CDH18: variants seen among roughly 807,000 people sequenced by gnomAD.
CDH18 encodes the protein cadherin 18, also known as cadherin-18.
A neutral mutation model predicts 67.9 loss-of-function variants in CDH18; 31 were observed. That is an observed-to-expected ratio of 0.46 (90% confidence interval 0.34 to 0.62). The LOEUF (loss-of-function observed/expected upper bound fraction) is 0.62, where lower values mean the gene tolerates loss of function less well. Ranked by LOEUF, CDH18 falls within the 20% of genes least tolerant of loss-of-function variation. The pLI is 0.01. For missense variants in CDH18, 890 were observed against 975.5 expected, an observed-to-expected ratio of 0.91 and a Z score of 1.17; for synonymous variants, 362 against 347.2, an observed-to-expected ratio of 1.04 and a Z score of -0.48.
chr5:20,040,498 A>G (rs1740325541), intron 2 of CDH18, among the ~76,000 whole-genome samples: 1 of 152,148 alleles, frequency 6.6e-6, no homozygotes, highest in Non-Finnish European at 1.5e-5. Flanking sequence ...GTTTTGAAAT[A>G]TGTCATGAAG....
At position 20,499,951 on chromosome 5, in the gene CDH18, T is replaced by C. The variant is rs563403004; in HGVS notation, c.-580+75511A>G. Among the ~76,000 whole-genome samples, 3 of 152,232 alleles carry C rather than the reference T, an allele frequency of 2.0e-5. No homozygotes were observed. In the East Asian group the frequency reaches 5.8e-4, roughly 29 times the overall value. The stretch of plus-strand genomic sequence containing the variant: ...TGTTTCCCCTCACCTTCACCAAAAG[T>C]TATCTTGTAAATTTTTTCAGCTATG... On this transcript the variant is annotated intron_variant, in intron 1 of 14. Coordinates refer to the CDH18 transcript ENST00000507958.
intron 3 of CDH18, among the ~76,000 whole-genome samples, chr5:19,804,762 A>C (rs761800854): frequency 9.2e-5 from 14 of 152,164 alleles, no homozygotes; most frequent in Non-Finnish European, 1.9e-4. Context: ...AAACAGTTGA[A>C]GAAGATACAT....
chr5:20,371,183 A>AG (rs1315311048), intron 1 of CDH18, among the ~76,000 whole-genome samples: 1 of 151,562 alleles, frequency 6.6e-6, no homozygotes, highest in Admixed American at 6.6e-5. Context: ...TGGTATAGGG[A>AG]GGGGGAGGGT....
intron 3 of CDH18, among the ~76,000 whole-genome samples, chr5:19,790,411 T>C (rs188564857): frequency 3.3e-4 from 50 of 152,308 alleles, no homozygotes; most frequent in African/African-American, 1.2e-3. Flanking sequence ...TTGCTGTCTA[T>C]ACAGTGGCAT....
intron 1 of CDH18, among the ~76,000 whole-genome samples, chr5:20,323,685 C>T (rs1258497463): frequency 6.6e-6 from 1 of 152,152 alleles, no homozygotes; most frequent in Non-Finnish European, 1.5e-5. Context: ...AATTGTGGCA[C>T]TAAACTATCT....
chr5:20,392,767 CAT>C (rs1478632264), intron 1 of CDH18, among the ~76,000 whole-genome samples: 2 of 151,786 alleles, frequency 1.3e-5, no homozygotes, highest in Non-Finnish European at 2.9e-5. Context: ...ACAATGATGA[CAT>C]ATTTACTTAT....
At chr5:19,987,622 T>C (rs1205026587) in intron 1 of CDH18, among the ~76,000 whole-genome samples, 1 of 152,088 alleles carries the variant, frequency 6.6e-6, no homozygotes, top group East Asian at 1.9e-4. Flanking sequence ...TAGAGGATAC[T>C]GGAAAGGCAA....
At chr5:20,154,671 C>G (rs1751384752) in intron 2 of CDH18, among the ~76,000 whole-genome samples, 1 of 152,120 alleles carries the variant, frequency 6.6e-6, no homozygotes, top group African/African-American at 2.4e-5. Flanking sequence ...AGAATGGTCA[C>G]CCTGTCCAGC....
chr5:20,135,365 A>C (rs1749615248), intron 2 of CDH18, among the ~76,000 whole-genome samples: 1 of 152,130 alleles, frequency 6.6e-6, no homozygotes, highest in African/African-American at 2.4e-5. Context: ...TAGATTTTCT[A>C]GTTGATTTGC....
At chr5:19,884,331 C>T (rs1442877537) in intron 2 of CDH18, among the ~76,000 whole-genome samples, 1 of 151,962 alleles carries the variant, frequency 6.6e-6, no homozygotes, top group Non-Finnish European at 1.5e-5. Flanking sequence ...ATTAATGGAA[C>T]AGAATGAGAA....
intron 12 of CDH18, among the ~76,000 whole-genome samples, chr5:19,475,229 C>T (rs899434860): frequency 6.7e-6 from 1 of 148,152 alleles, no homozygotes; most frequent in Non-Finnish European, 1.5e-5. Flanking sequence ...TGCTTCTCAA[C>T]CTACAGTAAG....
At chr5:19,647,932 T>C (rs1755018581) in intron 5 of CDH18, among the ~76,000 whole-genome samples, 1 of 152,084 alleles carries the variant, frequency 6.6e-6, no homozygotes, top group African/African-American at 2.4e-5. Context: ...GTCTTGGTAA[T>C]CAAAAATATT....
At chr5:19,509,597 T>C (rs2126816369) in intron 10 of CDH18, among the ~76,000 whole-genome samples, 1 of 152,298 alleles carries the variant, frequency 6.6e-6, no homozygotes, top group East Asian at 1.9e-4. Flanking sequence ...ATTGACCTAG[T>C]TAATTTTTTC....
intron 2 of CDH18, among the ~76,000 whole-genome samples, chr5:20,076,129 C>G (rs1038589168): frequency 1.8e-4 from 28 of 152,084 alleles, no homozygotes; most frequent in Middle Eastern, 3.4e-3. Context: ...TTATTAAAAG[C>G]TCAAAACATG....
intron 5 of CDH18, among the ~76,000 whole-genome samples, chr5:19,626,410 G>T (rs2150160853): frequency 6.6e-6 from 1 of 152,264 alleles, no homozygotes; most frequent in South Asian, 2.1e-4. Flanking sequence ...TTTTGTGTGG[G>T]TTCCCTAAGG....
chr5:19,797,567 T>G (rs1776988993), intron 3 of CDH18, among the ~76,000 whole-genome samples: 1 of 151,954 alleles, frequency 6.6e-6, no homozygotes. Flanking sequence ...AAACTGAAAT[T>G]AAAACAATTG....
chr5:19,709,257 C>G (rs117384450), intron 5 of CDH18, among the ~76,000 whole-genome samples: 1 of 151,992 alleles, frequency 6.6e-6, no homozygotes, highest in Admixed American at 6.6e-5. Context: ...GAGCTTGAGA[C>G]ATTTATTTGT....
chr5:19,843,653 G>C (rs988742690), intron 2 of CDH18, among the ~76,000 whole-genome samples: 2 of 152,186 alleles, frequency 1.3e-5, no homozygotes, highest in Non-Finnish European at 2.9e-5. Context: ...CAGAATTGTA[G>C]ATCCACCAAC....
At chr5:20,055,141 TG>T (rs1186469340) in intron 2 of CDH18, among the ~76,000 whole-genome samples, 1 of 152,196 alleles carries the variant, frequency 6.6e-6, no homozygotes, top group African/African-American at 2.4e-5. Flanking sequence ...TTATTTTACA[TG>T]TATTACTATT....
Sources: allele counts gnomAD v4.1 joint callset (sites outside exome capture counted in the v4.1 genomes callset), GRCh38; gene constraint gnomAD v4.1.1; transcripts MANE v1.5; gene names NCBI Gene and HGNC (gene_info 2026-07-23, HGNC 2026-07-21).